The following ATP8A2 variants were observed in gnomAD, a reference collection of about 807,000 sequenced individuals.
ATP8A2 encodes the protein ATPase phospholipid transporting 8A2.
A neutral mutation model predicts 165.6 loss-of-function variants in ATP8A2; 100 were observed. That is an observed-to-expected ratio of 0.60 (90% CI 0.51 to 0.71). The LOEUF (loss-of-function observed/expected upper bound fraction) is 0.71. Ranked by LOEUF, ATP8A2 falls within the 30% of genes least tolerant of loss-of-function variation. The pLI, the probability that ATP8A2 is intolerant of heterozygous loss-of-function variation, is 0.00. For missense variants in ATP8A2, 1,227 were observed against 1,479.5 expected (o/e 0.83, Z 2.80); for synonymous variants, 543 against 548.8 (o/e 0.99, Z 0.15).
At chr13:25,583,302 T>C (rs1252669762) in intron 23 of ATP8A2, among the ~76,000 whole-genome samples, 2 of 152,218 alleles carry the variant, frequency 1.3e-5, no homozygotes, top group South Asian at 2.1e-4. Flanking sequence ...GTTGTTTGCA[T>C]GCTAAGTTGA....
chr13:25,816,697 G>T (rs1026146556), intron 27 of ATP8A2, among the ~76,000 whole-genome samples: 1 of 152,180 alleles, frequency 6.6e-6, no homozygotes, highest in Non-Finnish European at 1.5e-5. Flanking sequence ...AAACAGTTCA[G>T]TAACTGAATT....
chr13:25,624,201 A>G (rs1258514146), intron 24 of ATP8A2, among the ~76,000 whole-genome samples: 1 of 152,166 alleles, frequency 6.6e-6, no homozygotes, highest in East Asian at 1.9e-4. Flanking sequence ...CCCTCAGGAC[A>G]AGGACTGTGG....
intron 24 of ATP8A2, among the ~76,000 whole-genome samples, chr13:25,634,694 T>C (rs547647018): frequency 2.0e-4 from 30 of 152,268 alleles, no homozygotes; most frequent in African/African-American, 6.0e-4. Context: ...TTGTGTTTTG[T>C]TTATTTTAGT....
At chr13:25,869,068 C>CA (rs60945309) in intron 33 of ATP8A2, among the ~76,000 whole-genome samples, 2,938 of 71,426 alleles carry the variant, frequency 0.041, 80 homozygotes, top group African/African-American at 0.054. Flanking sequence ...GACTCCGTCT[C>CA]AAAAAAAAAA....
chr13:26,021,513 T>A lies in ATP8A2; in HGVS notation c.*1528T>A, dbSNP rs1957081841. 1 of 152,202 alleles carries A rather than the reference T, an allele frequency of 6.6e-6. No individual in the cohort carries two copies. Among genetic ancestry groups the A allele is most frequent in the East Asian group, 1.9e-4 (1 of 5,196 alleles). The allele number at this position is 152,202 out of a possible 1,614,324, so 9.4% of individuals were successfully genotyped here. ...TAAGACAAGGAAGTGAAGAGCGGAA[T>A]CACTGACTTTCCCAACTGCAGAGTC... On this transcript the variant is annotated 3_prime_UTR_variant, in exon 37 of 37. Transcript: ENST00000381655.
chr13:25,980,351 G>A (rs1402429120), intron 35 of ATP8A2, among the ~76,000 whole-genome samples: 1 of 152,194 alleles, frequency 6.6e-6, no homozygotes, highest in African/African-American at 2.4e-5. Context: ...CATATTTTCT[G>A]AGCCATGACA....
At chr13:25,716,807 G>C (rs971760968) in intron 25 of ATP8A2, among the ~76,000 whole-genome samples, 1 of 152,140 alleles carries the variant, frequency 6.6e-6, no homozygotes, top group Non-Finnish European at 1.5e-5. Context: ...TGGCACTGAG[G>C]ATGAGGGATA....
chr13:25,910,181 A>G (rs942903746), intron 33 of ATP8A2, among the ~76,000 whole-genome samples: 8 of 152,176 alleles, frequency 5.3e-5, no homozygotes, highest in African/African-American at 1.4e-4. Flanking sequence ...ATACTTTTTG[A>G]CAAGAAATAT....
At chr13:25,717,463 G>C (rs2043281876) in intron 25 of ATP8A2, among the ~76,000 whole-genome samples, 1 of 147,726 alleles carries the variant, frequency 6.8e-6, no homozygotes, top group African/African-American at 2.5e-5. Context: ...ACCACTACCA[G>C]CAGCAGCAGA....
intron 1 of ATP8A2, among the ~76,000 whole-genome samples, chr13:25,390,278 G>A (rs1467581084): frequency 1.3e-5 from 2 of 152,192 alleles, no homozygotes; most frequent in African/African-American, 4.8e-5. Context: ...ACAGGCATGA[G>A]CCACCTTGCC....
intron 27 of ATP8A2, among the ~76,000 whole-genome samples, chr13:25,800,339 G>T (rs115638729): frequency 1.4e-3 from 212 of 152,308 alleles, no homozygotes; most frequent in African/African-American, 4.8e-3. Flanking sequence ...GAGCAGGAAA[G>T]GAAATAAACA....
intron 25 of ATP8A2, among the ~76,000 whole-genome samples, chr13:25,706,014 A>G (rs2043048527): frequency 6.6e-6 from 1 of 152,252 alleles, no homozygotes; most frequent in Non-Finnish European, 1.5e-5. Flanking sequence ...CCATAAAACA[A>G]TAATGGATTC....
chr13:25,372,193 G>A lies in ATP8A2; in HGVS notation c.-20G>A, dbSNP rs766242794. 5 of 1,421,712 alleles carry A rather than the reference G, an allele frequency of 3.5e-6. No individual in the cohort carries two copies. The highest frequency in any genetic ancestry group is 1.5e-5 in the African/African-American group (1 of 67,386). The allele number at this position is 1,421,712 out of a possible 1,614,324, so 88.1% of individuals were successfully genotyped here. ...CCTCCGTCTCTCGCCCGGGGCCGCCGAGCCCCCGACACGGGCGAGATGCTG... is the reference window on the plus strand; with the variant it reads ...CCTCCGTCTCTCGCCCGGGGCCGCCAAGCCCCCGACACGGGCGAGATGCTG... On this transcript the variant is annotated 5_prime_UTR_variant, in exon 1 of 37. Transcript: ENST00000381655. This position sits in a 1 kb window ranked among gnomAD's most constrained non-coding sequence, Gnocchi z 4.8.
intron 24 of ATP8A2, among the ~76,000 whole-genome samples, chr13:25,601,730 A>G (rs1194519779): frequency 1.3e-5 from 2 of 152,216 alleles, no homozygotes; most frequent in African/African-American, 4.8e-5. Flanking sequence ...TTGGCCTCCC[A>G]AAGTGCTAGG....
chr13:25,402,402 G>A (rs937803417), intron 1 of ATP8A2, among the ~76,000 whole-genome samples: 5 of 152,184 alleles, frequency 3.3e-5, no homozygotes, highest in South Asian at 2.1e-4. Flanking sequence ...TTGGCCCTGC[G>A]TGTGTTAGGG....
rs144263057 is a variant in ATP8A2 at position 25,858,032 on chromosome 13, T to C, written c.2957-2163T>C. On this transcript the variant is annotated intron_variant, in intron 30 of 36. Coordinates refer to ENST00000381655, the MANE Select transcript of ATP8A2 (RefSeq NM_016529.6). ...TGCCTGGCATAAAATAGGCTGTAAG[T>C]AAATATTTGTTGAGTACATAAAAGA... Among the ~76,000 whole-genome samples the C allele has an allele frequency of 2.1e-3, 327 of 152,310 alleles. 3 individuals carry two copies. The highest frequency in any genetic ancestry group is 6.6e-3 in the African/African-American group (275 of 41,558).
At chr13:25,564,540 A>T (rs759484790) in intron 16 of ATP8A2, among the ~76,000 whole-genome samples, 19 of 152,220 alleles carry the variant, frequency 1.2e-4, no homozygotes, top group Admixed American at 3.3e-4. Flanking sequence ...TAAATAAAAG[A>T]TTAAATTGGC....
intron 2 of ATP8A2, among the ~76,000 whole-genome samples, chr13:25,499,761 A>G (rs774007730): frequency 3.9e-5 from 6 of 151,998 alleles, no homozygotes; most frequent in Admixed American, 6.6e-5. Context: ...AGTTAGGAAA[A>G]CAGACAGTAA....
chr13:25,435,924 TGTGTGTGA>T (rs1402347290), intron 1 of ATP8A2, among the ~76,000 whole-genome samples: 1 of 29,832 alleles, frequency 3.4e-5, no homozygotes, highest in African/African-American at 7.0e-5. Context: ...TGTGTGTGTG[TGTGTGTGA>T]GTGTGTGTGT....
Sources: allele counts gnomAD v4.1 joint callset (sites outside exome capture counted in the v4.1 genomes callset), GRCh38; gene constraint gnomAD v4.1.1; non-coding constraint Gnocchi (gnomAD v3.1); transcripts MANE v1.5; gene names NCBI Gene and HGNC (gene_info 2026-07-23, HGNC 2026-07-21).